NPRL3: variants seen among roughly 807,000 people sequenced by gnomAD.
The protein encoded by NPRL3 is GATOR1 complex protein NPRL3.
Under a neutral mutation model 57.2 loss-of-function variants are expected in NPRL3, and 23 were observed. That is an observed-to-expected ratio of 0.40 (90% CI 0.29 to 0.57). NPRL3 has a LOEUF of 0.57. NPRL3 is among the 20% of genes least tolerant of loss of function. NPRL3 has a pLI of 0.42. For missense variants in NPRL3, 691 were observed against 767.1 expected, an observed-to-expected ratio of 0.90 and a Z score of 1.17; for synonymous variants, 333 against 321.1, an observed-to-expected ratio of 1.04 and a Z score of -0.39.
At chr16:91,688 C>G (rs545750221) in intron 11 of NPRL3, among the ~76,000 whole-genome samples, 9 of 152,330 alleles carry the variant, frequency 5.9e-5, no homozygotes, top group African/African-American at 1.7e-4. Context: ...TCTAACGGAG[C>G]TGAAAAGCCA....
chr16:86,892 G>A, intron 13 of NPRL3, 22 bp from the exon 14 acceptor site: 1 of 1,603,704 alleles, frequency 6.2e-7, no homozygotes, highest in Non-Finnish European at 8.5e-7. Flanking sequence ...GGGTGGGTGT[G>A]AGCCCAACCT....
intron 2 of NPRL3, among the ~76,000 whole-genome samples, chr16:137,799 A>T (rs187105190): frequency 1.5e-3 from 228 of 152,096 alleles, no homozygotes; most frequent in African/African-American, 5.4e-3. Flanking sequence ...TCCTGACCTC[A>T]GGTGATCCAC....
At chr16:126,464 AAT>A (rs1318142759) in intron 3 of NPRL3, 1 of 150,486 alleles carries the variant, frequency 6.6e-6, no homozygotes, top group East Asian at 1.9e-4. Context: ...TAATAATAAT[AAT>A]ATGATTTCAG....
intron 8 of NPRL3, among the ~76,000 whole-genome samples, chr16:99,938 TCA>T (rs139398972): frequency 3.6e-5 from 4 of 111,004 alleles, no homozygotes; most frequent in Non-Finnish European, 3.4e-5. Context: ...TGTCTCTCTC[TCA>T]CACACACACA....
chr16:134,228 TAC>T (rs143824948), intron 2 of NPRL3, among the ~76,000 whole-genome samples: 9 of 150,868 alleles, frequency 6.0e-5, no homozygotes, highest in East Asian at 1.9e-4. Context: ...TATGCACATG[TAC>T]ACACACACAC....
chr16:101,858 C>T (rs187222951), intron 7 of NPRL3, among the ~76,000 whole-genome samples: 11 of 152,318 alleles, frequency 7.2e-5, no homozygotes, highest in Admixed American at 7.2e-4. Flanking sequence ...ACTCAAGTGT[C>T]ACATTCTCAG....
intron 6 of NPRL3, among the ~76,000 whole-genome samples, chr16:112,112 G>A (rs570553675): frequency 1.3e-5 from 2 of 152,290 alleles, no homozygotes; most frequent in Non-Finnish European, 2.9e-5. Context: ...TATTTCCAAC[G>A]CCCTCTCCTG....
chr16:103,296 A>ATTTTTTTTTTGTTTTTTTTTTT (rs1899382211), intron 7 of NPRL3, among the ~76,000 whole-genome samples: 1 of 42,110 alleles, frequency 2.4e-5, no homozygotes, highest in African/African-American at 1.0e-4. Flanking sequence ...GCCTGGGGTG[A>ATTTTTTTTTTGTTTTTTTTTTT]TTTTTTTTTT....
intron 9 of NPRL3, among the ~76,000 whole-genome samples, chr16:95,040 G>A (rs574442302): frequency 9.2e-5 from 14 of 152,080 alleles, no homozygotes; most frequent in African/African-American, 3.4e-4. Flanking sequence ...TTGCGGTCAC[G>A]TCACTCCACT....
intron 7 of NPRL3, among the ~76,000 whole-genome samples, chr16:101,822 A>T (rs1168648320): frequency 6.6e-6 from 1 of 152,102 alleles, no homozygotes; most frequent in Non-Finnish European, 1.5e-5. Context: ...CAGACGCCCC[A>T]AGGCTCCTTT....
At chr16:108,343 C>G (rs573864130) in intron 7 of NPRL3, among the ~76,000 whole-genome samples, 1 of 152,242 alleles carries the variant, frequency 6.6e-6, no homozygotes, top group East Asian at 1.9e-4. Context: ...ACTTGTTATA[C>G]TGGTTAAGAT....
chr16:114,544 T>A (rs555956102), intron 5 of NPRL3, among the ~76,000 whole-genome samples: 26 of 152,212 alleles, frequency 1.7e-4, no homozygotes, highest in African/African-American at 5.8e-4. Flanking sequence ...ATGAGATTAA[T>A]CCAAATGTGG....
chr16:96,798 G>T (rs1338870149), intron 9 of NPRL3, among the ~76,000 whole-genome samples: 4 of 152,040 alleles, frequency 2.6e-5, no homozygotes, highest in African/African-American at 9.7e-5. Flanking sequence ...AAAGAAAAAA[G>T]AAATACAAGG....
chr16:109,660 A>C (rs549963180), intron 7 of NPRL3, among the ~76,000 whole-genome samples: 1 of 152,016 alleles, frequency 6.6e-6, no homozygotes, highest in South Asian at 2.1e-4. Flanking sequence ...TAAAAAAGCA[A>C]AGGTACTCAG....
intron 13 of NPRL3, among the ~76,000 whole-genome samples, 157 bp downstream of exon 13, chr16:88,541 G>C (rs1898603747): frequency 6.6e-6 from 1 of 152,218 alleles, no homozygotes; most frequent in South Asian, 2.1e-4. Context: ...CCTGGGCAGT[G>C]GCACCTGCCC....
chr16:102,069 T>C (rs922372929), intron 7 of NPRL3, among the ~76,000 whole-genome samples: 1 of 152,194 alleles, frequency 6.6e-6, no homozygotes, highest in African/African-American at 2.4e-5. Flanking sequence ...CCGCCCTCCC[T>C]GCATGCACTG....
At chr16:118,867 C>A (rs1900157688) in intron 4 of NPRL3, among the ~76,000 whole-genome samples, 1 of 151,752 alleles carries the variant, frequency 6.6e-6, no homozygotes, top group South Asian at 2.1e-4. Context: ...ACAGACGCAT[C>A]TGCCCAGGGG....
intron 9 of NPRL3, among the ~76,000 whole-genome samples, chr16:94,547 G>A (rs1471948226): frequency 6.6e-6 from 1 of 152,186 alleles, no homozygotes; most frequent in African/African-American, 2.4e-5. Context: ...CTCGGAGTTC[G>A]AGACCAACCT....
chr16:130,703 C>T, intron 2 of NPRL3, 112 bp from the exon 3 acceptor site: 1 of 949,110 alleles, frequency 1.1e-6, no homozygotes, highest in Non-Finnish European at 1.6e-6. Context: ...CTGTCCATAC[C>T]ATGGAATATT....
Sources: gnomAD v4.1 joint callset for allele counts (sites outside exome capture counted in the v4.1 genomes callset) on GRCh38, gnomAD v4.1.1 for gene constraint, MANE v1.5 for transcripts, NCBI Gene and HGNC (gene_info 2026-07-23, HGNC 2026-07-21) for gene names.